The following SAMMSON variants were observed in gnomAD, a reference collection of about 807,000 sequenced individuals.
SAMMSON encodes long intergenic non-protein coding RNA 1212.
chr3:70,142,183 T>C (rs1169688069), intron 4 of SAMMSON, among the ~76,000 whole-genome samples: 1 of 152,160 alleles, frequency 6.6e-6, no homozygotes, highest in Non-Finnish European at 1.5e-5. Flanking sequence ...CTGCTGGGTA[T>C]CTACCCAGAG....
At chr3:70,325,483 TAATC>T (rs998167830) in intron 7 of SAMMSON, among the ~76,000 whole-genome samples, 22 of 152,106 alleles carry the variant, frequency 1.4e-4, no homozygotes, top group Admixed American at 1.4e-3. Flanking sequence ...AAAGAGGAAA[TAATC>T]AACTCAAAAG....
At chr3:70,163,390 C>T (rs2067624286) in intron 4 of SAMMSON, among the ~76,000 whole-genome samples, 1 of 149,796 alleles carries the variant, frequency 6.7e-6, no homozygotes, top group South Asian at 2.1e-4. Flanking sequence ...TCTTTGGTTG[C>T]TCTGGGTATT....
At chr3:70,153,812 TC>T in intron 4 of SAMMSON, among the ~76,000 whole-genome samples, 1 of 152,078 alleles carries the variant, frequency 6.6e-6, no homozygotes, top group South Asian at 2.1e-4. Context: ...AGCTTTTTCA[TC>T]GTCTCAAACT....
intron 3 of SAMMSON, among the ~76,000 whole-genome samples, chr3:70,023,774 T>C (rs1261728135): frequency 6.6e-6 from 1 of 152,234 alleles, no homozygotes; most frequent in Non-Finnish European, 1.5e-5. Context: ...TCCATTTCTT[T>C]TGTCATGTGT....
chr3:70,041,320 A>G (rs2067105629), intron 3 of SAMMSON, among the ~76,000 whole-genome samples: 1 of 152,142 alleles, frequency 6.6e-6, no homozygotes, highest in Admixed American at 6.6e-5. Context: ...TGTGATAGGA[A>G]TCAAATCACT....
At chr3:70,200,727 A>C (rs1419952269) in intron 4 of SAMMSON, among the ~76,000 whole-genome samples, 1 of 152,198 alleles carries the variant, frequency 6.6e-6, no homozygotes, top group Non-Finnish European at 1.5e-5. Context: ...TCTCTGGTTG[A>C]CTGACTAAAT....
At chr3:70,074,115 A>G (rs1237440321) in intron 4 of SAMMSON, among the ~76,000 whole-genome samples, 1 of 152,066 alleles carries the variant, frequency 6.6e-6, no homozygotes, top group Non-Finnish European at 1.5e-5. Flanking sequence ...ATATTAATCA[A>G]TTGAAAGAAT....
chr3:70,183,203 A>G (rs1456497729), intron 4 of SAMMSON: 1 of 152,232 alleles, frequency 6.6e-6, no homozygotes, highest in African/African-American at 2.4e-5. Flanking sequence ...GAGGCTTAGA[A>G]AATTTAAGTG....
intron 3 of SAMMSON, among the ~76,000 whole-genome samples, chr3:70,039,555 T>C (rs1430259801): frequency 6.7e-6 from 1 of 148,762 alleles, no homozygotes; most frequent in East Asian, 2.0e-4. Context: ...GTCTCCATAA[T>C]TGCAATCGTG....
chr3:70,019,995 A>G (rs1264892402), intron 3 of SAMMSON, among the ~76,000 whole-genome samples: 1 of 152,150 alleles, frequency 6.6e-6, no homozygotes, highest in East Asian at 1.9e-4. Flanking sequence ...AGAATCCAGA[A>G]GCTCAGGAAA....
chr3:70,125,313 G>A (rs2067452270), intron 4 of SAMMSON: 7 of 1,336,942 alleles, frequency 5.2e-6, no homozygotes, highest in African/African-American at 2.9e-5. Flanking sequence ...ATATATTTAA[G>A]GTCCTTTTCT....
intron 4 of SAMMSON, among the ~76,000 whole-genome samples, chr3:70,073,282 A>G (rs945006354): frequency 1.3e-5 from 2 of 152,064 alleles, no homozygotes; most frequent in Non-Finnish European, 1.5e-5. Flanking sequence ...GTGTTGGCAC[A>G]TTTCTTTTGA....
intron 3 of SAMMSON, chr3:70,070,303 A>G (rs541346596): frequency 5.9e-5 from 9 of 152,210 alleles, no homozygotes; most frequent in African/African-American, 1.9e-4. Context: ...TAGACCACAG[A>G]TCATATGGGG....
intron 2 of SAMMSON, among the ~76,000 whole-genome samples, chr3:70,410,358 A>T (rs1397374681): frequency 6.6e-6 from 1 of 152,122 alleles, no homozygotes; most frequent in Non-Finnish European, 1.5e-5. Context: ...CTACTCTCTA[A>T]TCATTGCTCT....
chr3:70,245,344 G>A (rs1440682366), intron 4 of SAMMSON, among the ~76,000 whole-genome samples: 1 of 151,688 alleles, frequency 6.6e-6, no homozygotes, highest in Non-Finnish European at 1.5e-5. Context: ...ACAACTTAAA[G>A]CTTTAACAAA....
At chr3:70,126,450 C>T (rs960284002) in intron 4 of SAMMSON, 1 of 680,104 alleles carries the variant, frequency 1.5e-6, no homozygotes, top group Non-Finnish European at 2.7e-6. Context: ...AGGTCATGCA[C>T]CAACCGTGCC....
At chr3:70,033,169 A>T (rs1168439614) in intron 3 of SAMMSON, among the ~76,000 whole-genome samples, 2 of 152,164 alleles carry the variant, frequency 1.3e-5, no homozygotes, top group Non-Finnish European at 2.9e-5. Flanking sequence ...AAAGGCCCTA[A>T]CATTGTCTAT....
At chr3:70,347,852 G>A (rs1002369399) in intron 7 of SAMMSON, among the ~76,000 whole-genome samples, 2 of 152,160 alleles carry the variant, frequency 1.3e-5, no homozygotes, top group South Asian at 4.1e-4. Context: ...AGACCAGCTT[G>A]GCCAACATGG....
At chr3:70,352,696 A>G (rs1009717028) in intron 7 of SAMMSON, among the ~76,000 whole-genome samples, 8 of 152,148 alleles carry the variant, frequency 5.3e-5, no homozygotes, top group Non-Finnish European at 8.8e-5. Flanking sequence ...TCTTAAATGC[A>G]TATAGAATAA....
Sources: allele counts gnomAD v4.1 joint callset (sites outside exome capture counted in the v4.1 genomes callset), GRCh38; gene constraint gnomAD v4.1.1; transcripts MANE v1.5; gene names NCBI Gene and HGNC (gene_info 2026-07-23, HGNC 2026-07-21).